The following NEGR1 variants were observed in gnomAD, a reference collection of about 807,000 sequenced individuals.
NEGR1 encodes neuronal growth regulator 1, also known as IgLON family member 4.
NEGR1 carries 10 observed loss-of-function variants against 40.9 expected under a neutral mutation model. The ratio of observed to expected loss-of-function variants is 0.24; its 90% CI spans 0.15 to 0.42. NEGR1 has a LOEUF of 0.42. Among genes scored for constraint, NEGR1 ranks in the 10% least tolerant of loss-of-function variants. The pLI is 1.00. For synonymous variants in NEGR1, 185 were observed against 166.8 expected (o/e 1.11, Z -0.84); for missense variants, 352 against 438.9 (o/e 0.80, Z 1.77).
At chr1:71,791,680 T>C (rs2101736025) in intron 2 of NEGR1, among the ~76,000 whole-genome samples, 1 of 152,190 alleles carries the variant, frequency 6.6e-6, no homozygotes, top group East Asian at 1.9e-4. Context: ...GTCTAGAATG[T>C]AGTTAAGAGA....
chr1:71,812,657 C>T (rs1446349570), intron 2 of NEGR1, among the ~76,000 whole-genome samples: 1 of 151,966 alleles, frequency 6.6e-6, no homozygotes, highest in African/African-American at 2.4e-5. Context: ...TGTGATGTTG[C>T]ACTTCTTTTC....
chr1:72,020,459 G>T (rs1368072677), intron 1 of NEGR1, among the ~76,000 whole-genome samples: 2 of 152,116 alleles, frequency 1.3e-5, no homozygotes, highest in Non-Finnish European at 2.9e-5. Context: ...GGGAATGCTT[G>T]CTAGGTTGGG....
At chr1:72,280,047 G>A (rs541538166) in intron 1 of NEGR1, among the ~76,000 whole-genome samples, 11 of 152,254 alleles carry the variant, frequency 7.2e-5, no homozygotes, top group Admixed American at 3.9e-4. Context: ...AAGACACAGA[G>A]ACTCTGTTCT....
At chr1:72,112,812 G>T (rs1020304138) in intron 1 of NEGR1, among the ~76,000 whole-genome samples, 2 of 151,646 alleles carry the variant, frequency 1.3e-5, no homozygotes, top group Non-Finnish European at 2.9e-5. Context: ...CATAGTACAG[G>T]TTGTGCTTCT....
chr1:71,926,427 C>T (rs1201151524), intron 2 of NEGR1, among the ~76,000 whole-genome samples: 1 of 151,762 alleles, frequency 6.6e-6, no homozygotes, highest in Admixed American at 6.6e-5. Context: ...ATTTTTGGCC[C>T]TCTTCTACCA....
At chr1:71,429,405 G>A (rs1399555078) in intron 6 of NEGR1, among the ~76,000 whole-genome samples, 2 of 152,104 alleles carry the variant, frequency 1.3e-5, no homozygotes, top group Non-Finnish European at 2.9e-5. Context: ...TCAAATGCTC[G>A]GTGGGGGTTG....
chr1:71,661,417 T>TA (rs1214619552), intron 4 of NEGR1, among the ~76,000 whole-genome samples: 1 of 152,172 alleles, frequency 6.6e-6, no homozygotes, highest in East Asian at 1.9e-4. Flanking sequence ...CTGTATAATG[T>TA]AAAGGATGAG....
rs1646243269 is a variant in NEGR1, at chr1:71,400,952, G to C, written c.*6494C>G. 6.6e-6 allele frequency: 1 copy of C among 152,406 alleles called. No individual in the cohort carries two copies. Among genetic ancestry groups the C allele is most frequent in the African/African-American group, 2.4e-5 (1 of 41,432 alleles). The allele number at this position is 152,406 out of a possible 1,614,324, so 9.4% of individuals were successfully genotyped here. The stretch of plus-strand genomic sequence containing the variant: ...GGAGGCTGATGCAGGAGAATCGCTT[G>C]AACCCAGGAGGCGGAGGTTGCAGTG... On this transcript the variant is annotated 3_prime_UTR_variant, in exon 7 of 7. Coordinates refer to ENST00000357731, the MANE Select transcript of NEGR1 (RefSeq NM_173808.3).
intron 2 of NEGR1, among the ~76,000 whole-genome samples, chr1:71,874,120 C>A (rs977156856): frequency 1.3e-5 from 2 of 152,124 alleles, no homozygotes; most frequent in Non-Finnish European, 2.9e-5. Flanking sequence ...TATTCTTCTG[C>A]AATTAATTCA....
chr1:71,462,486 A>C (rs1646720385), intron 6 of NEGR1, among the ~76,000 whole-genome samples: 1 of 152,176 alleles, frequency 6.6e-6, no homozygotes. Flanking sequence ...CTTGCCCAGC[A>C]GGATGACCCC....
chr1:71,929,730 C>CTGTTTTTTTTTTTTTTTTTTTTT (rs1645836845), intron 2 of NEGR1, among the ~76,000 whole-genome samples: 1 of 140,766 alleles, frequency 7.1e-6, no homozygotes. Flanking sequence ...TTCACCATTA[C>CTGTTTTTTTTTTTTTTTTTTTTT]TGTTTTTTTT....
intron 1 of NEGR1, among the ~76,000 whole-genome samples, chr1:71,979,603 A>G (rs2100336020): frequency 6.6e-6 from 1 of 152,276 alleles, no homozygotes. Context: ...GACAAAGAAC[A>G]ACCCACAAAG....
At chr1:71,583,216 T>C (rs1435050283) in intron 6 of NEGR1, among the ~76,000 whole-genome samples, 3 of 152,082 alleles carry the variant, frequency 2.0e-5, no homozygotes, top group Non-Finnish European at 4.4e-5. Flanking sequence ...AATATATGAC[T>C]ATCACAACAA....
chr1:72,217,180 G>A (rs376371019), intron 1 of NEGR1, among the ~76,000 whole-genome samples: 1 of 151,758 alleles, frequency 6.6e-6, no homozygotes, highest in East Asian at 1.9e-4. Context: ...TTGAGTTATA[G>A]TAAGCGTATG....
chr1:71,498,594 G>T (rs6662613), intron 6 of NEGR1, among the ~76,000 whole-genome samples: 8,936 of 152,104 alleles, frequency 0.059, 295 homozygotes, highest in South Asian at 0.092. Flanking sequence ...GAAAGGTCCA[G>T]GCTTGGCTTT....
At chr1:71,912,334 T>C (rs545779075) in intron 2 of NEGR1, among the ~76,000 whole-genome samples, 2 of 152,240 alleles carry the variant, frequency 1.3e-5, no homozygotes, top group East Asian at 3.9e-4. Context: ...CTCTGATCTG[T>C]TTTTCTATAT....
chr1:71,954,397 TA>T (rs1035715579), intron 1 of NEGR1, among the ~76,000 whole-genome samples: 1 of 151,706 alleles, frequency 6.6e-6, no homozygotes, highest in African/African-American at 2.4e-5. Flanking sequence ...GGTATATTAT[TA>T]AAAAAAAGTT....
chr1:71,953,006 G>A (rs1338148150), intron 1 of NEGR1, among the ~76,000 whole-genome samples: 1 of 148,914 alleles, frequency 6.7e-6, no homozygotes, highest in Non-Finnish European at 1.5e-5. Context: ...CTTACTAACA[G>A]AAAATGCACC....
intron 2 of NEGR1, among the ~76,000 whole-genome samples, chr1:71,777,071 T>G (rs912522852): frequency 3.9e-5 from 6 of 152,068 alleles, no homozygotes; most frequent in Non-Finnish European, 8.8e-5. Context: ...TTTAATCACA[T>G]AATACATTCG....
Sources: allele counts gnomAD v4.1 joint callset (sites outside exome capture counted in the v4.1 genomes callset), GRCh38; gene constraint gnomAD v4.1.1; transcripts MANE v1.5; gene names NCBI Gene and HGNC (gene_info 2026-07-23, HGNC 2026-07-21).